NKX1-2: variants seen among roughly 807,000 people sequenced by gnomAD.
NKX1-2 encodes NK1 homeobox 2, also known as NK1 transcription factor-related protein 2.
In NKX1-2, 1 loss-of-function variant was observed where a neutral mutation model predicts 4.4. The observed-to-expected ratio is 0.23, with a 90% CI of 0.08 to 1.08. NKX1-2 has a LOEUF of 1.08. Ranked by LOEUF, NKX1-2 falls within the 50% of genes least tolerant of loss-of-function variation. NKX1-2 has a pLI of 0.55. For synonymous variants in NKX1-2, 235 were observed against 228.0 expected (o/e 1.03, Z -0.28); for missense variants, 503 against 464.6 (o/e 1.08, Z -0.76).
rs1013266734 is a variant in NKX1-2 at position 124,449,486 on chromosome 10, T to C, written c.214+244A>G. The C allele has an allele frequency of 1.4e-6, 1 of 692,538 alleles. No homozygotes were observed. Among genetic ancestry groups the C allele is most frequent in the African/African-American group, 1.8e-5 (1 of 57,056 alleles). 42.9% of individuals were successfully genotyped at this position (692,538 alleles called of 1,614,324 possible). A position where few individuals can be genotyped will look rare whatever the true frequency, so the allele number is the denominator to read the frequency against. On this transcript the variant is annotated intron_variant, in intron 1 of 1. Coordinates refer to ENST00000451024, the MANE Select transcript of NKX1-2 (RefSeq NM_001146340.3). This position sits in a 1 kb window ranked among gnomAD's most constrained non-coding sequence, Gnocchi z 7.5. ...AAGTTTCCACCGCGAGCATCAGAAC[T>C]GTGGTGCGGGTGAGCTTGGCGGGTG...
rs1952251442 is a variant in NKX1-2, at chr10:124,447,500, C to A, written c.862G>T (p.Ala288Ser). ...SAASFPLTAA[A>S]PGSPFAPFLG... The stretch of plus-strand genomic sequence containing the variant: ...AACGGCGCGAAAGGGCTCCCGGGGG[C>A]GGCAGCCGTCAGCGGGAAGGAGGCG... The change falls in exon 2 of 2, where the codon GCC becomes TCC. Residue 288 changes from alanine to serine, a missense_variant. Physicochemically the swap from Ala to Ser is moderately conservative, Grantham distance 99. Coordinates refer to ENST00000451024, the MANE Select transcript of NKX1-2 (RefSeq NM_001146340.3). 1.6e-6 allele frequency: 2 copies of A among 1,271,106 alleles called. No homozygotes were observed. Among genetic ancestry groups the A allele is most frequent in the East Asian group, 3.1e-5 (1 of 32,226 alleles). The allele number at this position is 1,271,106 out of a possible 1,614,324, so 78.7% of individuals were successfully genotyped here. A position where few individuals can be genotyped will look rare whatever the true frequency, so the allele number is the denominator to read the frequency against.
rs946686598 is a variant in NKX1-2, at chr10:124,448,194, A to ACCTCGT, written c.215-53_215-48dup. The ACCTCGT allele has an allele frequency of 2.1e-6, 3 of 1,396,236 alleles. No homozygotes were observed. The African/African-American group carries it at 4.5e-5, about 21-fold the overall frequency. The allele number at this position is 1,396,236 out of a possible 1,614,324, so 86.5% of individuals were successfully genotyped here. On this transcript the variant is annotated intron_variant, in intron 1 of 1. Coordinates refer to ENST00000451024, the MANE Select transcript of NKX1-2 (RefSeq NM_001146340.3). The surrounding 1 kb of genome is among the most constrained non-coding windows in gnomAD (Gnocchi z 4.1). Reference sequence around the variant, plus strand: ...AACAGAAGCCTCTCCAGGTCCCCAAACCTCGTCCTCGTCCTCCCTAGAGCA... The same window carrying ACCTCGT: ...AACAGAAGCCTCTCCAGGTCCCCAAACCTCGTCCTCGTCCTCGTCCTCCCTAGAGCA...
In NKX1-2 at chr10:124,445,626, G is replaced by A. The variant is rs1952231576; in HGVS notation, c.*1803C>T. The A allele has an allele frequency of 6.6e-6, 1 of 152,150 alleles. No homozygotes were observed. The allele number at this position is 152,150 out of a possible 1,614,324, so 9.4% of individuals were successfully genotyped here. The stretch of plus-strand genomic sequence containing the variant: ...ACCAACAAATAGTTATTAAAGGAGT[G>A]TTTACCGAAGTGTAAGGTGAATATT... On this transcript the variant is annotated 3_prime_UTR_variant, in exon 2 of 2. Coordinates refer to ENST00000451024, the MANE Select transcript of NKX1-2 (RefSeq NM_001146340.3).
Position 124,448,146 on chromosome 10 carries a change from A to C in NKX1-2, c.216T>G (p.Asp72Glu). ...RDPVRQLETP[D>E]AAGPGAGQAS... is the part of the protein sequence containing the mutation. ...CCTGGCCGGCGCCTGGGCCCGCAGC[A>C]TCTAGGGGAGAAGGGGTCGGTGAAC... Residue 72 changes from aspartate (D) to glutamate (E), a missense_variant and splice_region_variant, in exon 2 of 2, where the codon GAT (aspartate) becomes GAG (glutamate). Physicochemically the swap from Asp to Glu is conservative, Grantham distance 45 (BLOSUM62 2). Transcript: ENST00000451024. This position sits in a 1 kb window ranked among gnomAD's most constrained non-coding sequence, Gnocchi z 4.1. The C allele has an allele frequency of 1.4e-6, 2 of 1,474,248 alleles. No homozygotes were observed. The highest frequency in any genetic ancestry group is 1.8e-6 in the Non-Finnish European group (2 of 1,120,096). The allele number at this position is 1,474,248 out of a possible 1,614,324, so 91.3% of individuals were successfully genotyped here.
Position 124,446,184 on chromosome 10 carries a change from A to AT in NKX1-2, c.*1244dup, listed in dbSNP as rs1336975742. On this transcript the variant is annotated 3_prime_UTR_variant, in exon 2 of 2. Transcript: ENST00000451024. ...GTGGCAAGGGAATTTCACAGAACTA[A>AT]TTTTTTAAGGGAGGTAATAAAAGCA... The AT allele has an allele frequency of 6.6e-6, 1 of 152,202 alleles. No individual in the cohort carries two copies. Among genetic ancestry groups the AT allele is most frequent in the Non-Finnish European group, 1.5e-5 (1 of 68,036 alleles). The allele number at this position is 152,202 out of a possible 1,614,324, so 9.4% of individuals were successfully genotyped here. A position where few individuals can be genotyped will look rare whatever the true frequency, so the allele number is the denominator to read the frequency against.
At position 124,447,379 on chromosome 10, in the gene NKX1-2, A is replaced by ATGCC; in HGVS notation, c.*46_*49dup. The ATGCC allele has an allele frequency of 8.3e-7, 1 of 1,207,082 alleles. No homozygotes were observed. The highest frequency in any genetic ancestry group is 1.1e-6 in the Non-Finnish European group (1 of 950,144). The allele number at this position is 1,207,082 out of a possible 1,614,324, so 74.8% of individuals were successfully genotyped here. A position where few individuals can be genotyped will look rare whatever the true frequency, so the allele number is the denominator to read the frequency against. ...GTGGAGGAGCCGAGGGCACACGACG[A>ATGCC]TGCCAATCCCTCGTGAATCCCGCGA... On this transcript the variant is annotated 3_prime_UTR_variant, in exon 2 of 2. Transcript: ENST00000451024.
In NKX1-2 at chr10:124,446,826, T is replaced by C. The variant is rs933582449; in HGVS notation, c.*603A>G. 2.6e-5 allele frequency: 4 copies of C among 152,220 alleles called. No homozygotes were observed. Among genetic ancestry groups the C allele is most frequent in the African/African-American group, 9.6e-5 (4 of 41,454 alleles). 9.4% of individuals were successfully genotyped at this position (152,220 alleles called of 1,614,324 possible). Reference sequence around the variant, plus strand: ...GGGAGGTTATTTGGAACAAGTATTGTGTTCCAGTCCGAATCTTAAGTAAAG... The same window carrying C: ...GGGAGGTTATTTGGAACAAGTATTGCGTTCCAGTCCGAATCTTAAGTAAAG... On this transcript the variant is annotated 3_prime_UTR_variant, in exon 2 of 2. Coordinates refer to ENST00000451024, the MANE Select transcript of NKX1-2 (RefSeq NM_001146340.3).
chr10:124,449,768 G>A lies in NKX1-2; in HGVS notation c.176C>T (p.Ala59Val), dbSNP rs1952278583. The A allele has an allele frequency of 6.4e-7, 1 of 1,551,622 alleles. No individual in the cohort carries two copies. Among genetic ancestry groups the A allele is most frequent in the Admixed American group, 2.0e-5 (1 of 51,012 alleles). ...SLAEVEAGKD[A>V]SSRDPVRQLE... ...CTGTCGGACAGGGTCCCTGGAGCTG[G>A]CATCTTTCCCCGCTTCGACCTCCGC... Residue 59 changes from alanine to valine, a missense_variant, in exon 1 of 2, where the codon GCC becomes GTC. Ala to Val is a moderately conservative substitution (Grantham distance 64, BLOSUM62 0). Transcript: ENST00000451024. The surrounding 1 kb of genome is among the most constrained non-coding windows in gnomAD (Gnocchi z 7.5).
rs1952251113 is a variant in NKX1-2 at position 124,447,474 on chromosome 10, GA to G, written c.887del (p.Phe296SerfsTer7). 1 of 1,268,380 alleles carries G rather than the reference GA, an allele frequency of 7.9e-7. No individual in the cohort carries two copies. The highest frequency in any genetic ancestry group is 3.1e-5 in the East Asian group (1 of 32,168). The allele number at this position is 1,268,380 out of a possible 1,614,324, so 78.6% of individuals were successfully genotyped here. A position where few individuals can be genotyped will look rare whatever the true frequency, so the allele number is the denominator to read the frequency against. On this transcript the variant is annotated frameshift_variant, in exon 2 of 2. Coordinates refer to ENST00000451024, the MANE Select transcript of NKX1-2 (RefSeq NM_001146340.3). LOFTEE classifies it high-confidence loss of function. ...AGGGGGTCAGGTAGGAAGGCCCAAG[GA>G]ACGGCGCGAAAGGGCTCCCGGGGGC... ...AAAPGSPFAP[F>X]LGPSYLTPFY...
At position 124,447,732 on chromosome 10, in the gene NKX1-2, C is replaced by A; in HGVS notation, c.630G>T (p.Trp210Cys). The A allele has an allele frequency of 6.8e-7, 1 of 1,471,676 alleles. No individual in the cohort carries two copies. 91.2% of individuals were successfully genotyped at this position (1,471,676 alleles called of 1,614,324 possible). A position where few individuals can be genotyped will look rare whatever the true frequency, so the allele number is the denominator to read the frequency against. The change falls in exon 2 of 2, where the codon TGG (tryptophan) becomes TGT (cysteine). Residue 210 changes from tryptophan to cysteine, a missense_variant. Physicochemically the swap from Trp to Cys is radical, Grantham distance 215 (BLOSUM62 -2). Transcript: ENST00000451024. ...TCCACTTGGTCCTGCGATTCTGGAA[C>A]CAGATTTTGACCTGCGTCTCGGTGA... ...LSLTETQVKIWFQNRRTKWKK... is the reference protein window; with the variant it reads ...LSLTETQVKICFQNRRTKWKK...
rs1175431498 is a variant in NKX1-2, at chr10:124,448,250, G to A, written c.215-103C>T. On this transcript the variant is annotated intron_variant, in intron 1 of 1. Transcript: ENST00000451024. The surrounding 1 kb of genome is among the most constrained non-coding windows in gnomAD (Gnocchi z 4.1). ...CTGTCCCCCCAACCCAACTCTGGGTGCTGCTCCTGTCCCCACATCGCGCTC... is the reference window on the plus strand; with the variant it reads ...CTGTCCCCCCAACCCAACTCTGGGTACTGCTCCTGTCCCCACATCGCGCTC... 7.5e-6 allele frequency: 10 copies of A among 1,328,672 alleles called. No individual in the cohort carries two copies. Among genetic ancestry groups the A allele is most frequent in the Admixed American group, 3.9e-5 (1 of 25,528 alleles). The allele number at this position is 1,328,672 out of a possible 1,614,324, so 82.3% of individuals were successfully genotyped here.
Position 124,447,895 on chromosome 10 carries a change from A to C in NKX1-2, c.467T>G (p.Leu156Arg). The C allele has an allele frequency of 7.1e-7, 1 of 1,417,282 alleles. No individual in the cohort carries two copies. The highest frequency in any genetic ancestry group is 9.3e-7 in the Non-Finnish European group (1 of 1,080,318). 87.8% of individuals were successfully genotyped at this position (1,417,282 alleles called of 1,614,324 possible). Residue 156 changes from leucine (L) to arginine (R), a missense_variant, in exon 2 of 2, where the codon CTG becomes CGG. Physicochemically the swap from Leu to Arg is moderately radical, Grantham distance 102. Coordinates refer to ENST00000451024, the MANE Select transcript of NKX1-2 (RefSeq NM_001146340.3). ...CCGCGGCTTGGCGCAGTTGGGCTCCAGGCGCCGGCGCCTGGGACGCGGGGA... is the reference window on the plus strand; with the variant it reads ...CCGCGGCTTGGCGCAGTTGGGCTCCCGGCGCCGGCGCCTGGGACGCGGGGA... The part of the protein sequence containing the change: ...PGSPRPRRRR[L>R]EPNCAKPRRA...
Position 124,450,006 on chromosome 10 carries a change from C to A in NKX1-2, c.-63G>T, listed in dbSNP as rs978844758. ...TTGGGGATGGCGCCGCTCGGGCTTG[C>A]CTTCGGCTGTGGCTTGGCGGTAGCT... is the stretch of plus-strand genomic sequence containing the variant. On this transcript the variant is annotated 5_prime_UTR_variant, in exon 1 of 2. Transcript: ENST00000451024. 9.9e-6 allele frequency: 13 copies of A among 1,312,488 alleles called. No homozygotes were observed. Among genetic ancestry groups the A allele is most frequent in the Non-Finnish European group, 1.2e-5 (12 of 983,072 alleles). The allele number at this position is 1,312,488 out of a possible 1,614,324, so 81.3% of individuals were successfully genotyped here.
Position 124,449,343 on chromosome 10 carries a change from T to A in NKX1-2, c.214+387A>T. ...GAGGTGATGTTAATGATGCTGTCCA[T>A]CTCTCAGGTTCCGAAGTTTTCATCA... On this transcript the variant is annotated intron_variant, in intron 1 of 1. Transcript: ENST00000451024. This position sits in a 1 kb window ranked among gnomAD's most constrained non-coding sequence, Gnocchi z 7.5. 1 of 467,916 alleles carries A rather than the reference T, an allele frequency of 2.1e-6. No homozygotes were observed. The highest frequency in any genetic ancestry group is 1.6e-5 in the South Asian group (1 of 63,356). 29.0% of individuals were successfully genotyped at this position (467,916 alleles called of 1,614,324 possible).
chr10:124,447,249 G>C lies in NKX1-2; in HGVS notation c.*180C>G. On this transcript the variant is annotated 3_prime_UTR_variant, in exon 2 of 2. Coordinates refer to ENST00000451024, the MANE Select transcript of NKX1-2 (RefSeq NM_001146340.3). ...GGCTTGAGGTCAGCCTCCGTCCCCG[G>C]ACACTTTGAAGGACGGCAGATCCCT... 2.4e-6 allele frequency: 1 copy of C among 412,394 alleles called. No individual in the cohort carries two copies. Among genetic ancestry groups the C allele is most frequent in the Non-Finnish European group, 4.2e-6 (1 of 235,902 alleles). 25.5% of individuals were successfully genotyped at this position (412,394 alleles called of 1,614,324 possible).
Position 124,449,992 on chromosome 10 carries a change from G to C in NKX1-2, c.-49C>G. On this transcript the variant is annotated 5_prime_UTR_variant, in exon 1 of 2. Coordinates refer to ENST00000451024, the MANE Select transcript of NKX1-2 (RefSeq NM_001146340.3). The surrounding 1 kb of genome is among the most constrained non-coding windows in gnomAD (Gnocchi z 7.5). ...TCGGCGGCGCGGGGTTGGGGATGGC[G>C]CCGCTCGGGCTTGCCTTCGGCTGTG... 1 of 1,386,200 alleles carries C rather than the reference G, an allele frequency of 7.2e-7. No homozygotes were observed. The allele number at this position is 1,386,200 out of a possible 1,614,324, so 85.9% of individuals were successfully genotyped here.
In NKX1-2 at chr10:124,447,623, C is replaced by T; in HGVS notation, c.739G>A (p.Gly247Ser). The T allele has an allele frequency of 7.8e-7, 1 of 1,278,330 alleles. No homozygotes were observed. Among genetic ancestry groups the T allele is most frequent in the Non-Finnish European group, 9.9e-7 (1 of 1,014,246 alleles). The allele number at this position is 1,278,330 out of a possible 1,614,324, so 79.2% of individuals were successfully genotyped here. Residue 247 changes from glycine to serine, a missense_variant, in exon 2 of 2, where the codon GGC becomes AGC. Gly to Ser is a moderately conservative substitution (Grantham distance 56, BLOSUM62 0). Coordinates refer to ENST00000451024, the MANE Select transcript of NKX1-2 (RefSeq NM_001146340.3). The part of the protein sequence containing the change: ...QPGAAGGGGG[G>S]GSGGSPGPPG... ...GGGCCAGGACTGCCCCCCGAGCCGC[C>T]GCCGCCGCCGCCCCCCGCCGCCCCT... is the stretch of plus-strand genomic sequence containing the variant.
In NKX1-2 at chr10:124,448,212, C is replaced by G. The variant is rs181595457; in HGVS notation, c.215-65G>C. ...TCCCCAAACCTCGTCCTCGTCCTCC[C>G]TAGAGCAAGCAGCTGTCCCCCCAAC... On this transcript the variant is annotated intron_variant, in intron 1 of 1. Transcript: ENST00000451024. This position sits in a 1 kb window ranked among gnomAD's most constrained non-coding sequence, Gnocchi z 4.1. 7.3e-7 allele frequency: 1 copy of G among 1,368,100 alleles called. No individual in the cohort carries two copies. Among genetic ancestry groups the G allele is most frequent in the Non-Finnish European group, 9.4e-7 (1 of 1,065,250 alleles). The allele number at this position is 1,368,100 out of a possible 1,614,324, so 84.7% of individuals were successfully genotyped here.
rs1952235134 is a variant in NKX1-2, at chr10:124,446,147, T to A, written c.*1282A>T. 3 of 152,156 alleles carry A rather than the reference T, an allele frequency of 2.0e-5. No homozygotes were observed. The highest frequency in any genetic ancestry group is 7.2e-5 in the African/African-American group (3 of 41,428). The allele number at this position is 152,156 out of a possible 1,614,324, so 9.4% of individuals were successfully genotyped here. A position where few individuals can be genotyped will look rare whatever the true frequency, so the allele number is the denominator to read the frequency against. On this transcript the variant is annotated 3_prime_UTR_variant, in exon 2 of 2. Coordinates refer to ENST00000451024, the MANE Select transcript of NKX1-2 (RefSeq NM_001146340.3). Reference sequence around the variant, plus strand: ...TAGGTAGAAAACTAAAGGAAATGTATTCCAAGCAAAAGTGGCAAGGGAATT... The same window carrying A: ...TAGGTAGAAAACTAAAGGAAATGTAATCCAAGCAAAAGTGGCAAGGGAATT...
Sources: gnomAD v4.1 joint callset for allele counts on GRCh38, gnomAD v4.1.1 for gene constraint, Gnocchi (gnomAD v3.1) non-coding constraint, MANE v1.5 for transcripts, NCBI Gene and HGNC (gene_info 2026-07-23, HGNC 2026-07-21) for gene names.